SEPTIN7: variants seen among roughly 807,000 people sequenced by gnomAD.
SEPTIN7 encodes septin 7.
SEPTIN7 carries 10 observed loss-of-function variants against 63.3 expected under a neutral mutation model. The ratio of observed to expected loss-of-function variants is 0.16; its 90% CI spans 0.10 to 0.27. SEPTIN7 has a LOEUF of 0.27. Among genes scored for constraint, SEPTIN7 ranks in the 10% least tolerant of loss-of-function variants. SEPTIN7 has a pLI of 1.00. For missense variants in SEPTIN7, 310 were observed against 521.0 expected (o/e 0.59, Z 3.94); for synonymous variants, 131 against 165.3 (o/e 0.79, Z 1.59).
intron 13 of SEPTIN7, 89 bp downstream of exon 13, chr7:35,903,304 T>C: frequency 7.0e-7 from 1 of 1,430,454 alleles, no homozygotes; most frequent in South Asian, 1.6e-5. Context: ...AGAATAACAC[T>C]TAAAAAGTCA....
intron 4 of SEPTIN7, among the ~76,000 whole-genome samples, chr7:35,864,761 A>G (rs562755859): frequency 2.0e-5 from 3 of 152,092 alleles, no homozygotes; most frequent in Non-Finnish European, 4.4e-5. Flanking sequence ...AGCTCTGCTT[A>G]TGTGATATAT....
intron 6 of SEPTIN7, among the ~76,000 whole-genome samples, chr7:35,875,981 A>G (rs1273212560): frequency 6.6e-6 from 1 of 152,212 alleles, no homozygotes; most frequent in Admixed American, 6.5e-5. Context: ...AAATGGACAG[A>G]GGAAAAAATT....
intron 7 of SEPTIN7, 61 bp downstream of exon 7, chr7:35,880,001 A>G (rs141353965): frequency 2.3e-6 from 2 of 886,840 alleles, no homozygotes; most frequent in African/African-American, 1.7e-5. Flanking sequence ...AGTTTTTACT[A>G]TTTTTAGTAT....
intron 3 of SEPTIN7, among the ~76,000 whole-genome samples, chr7:35,845,444 C>G (rs1461557540): frequency 6.6e-6 from 1 of 152,086 alleles, no homozygotes; most frequent in Non-Finnish European, 1.5e-5. Context: ...TGGTTGAACT[C>G]TTTTGATTAT....
chr7:35,824,585 C>G (rs1381800246), intron 1 of SEPTIN7, among the ~76,000 whole-genome samples: 1 of 152,158 alleles, frequency 6.6e-6, no homozygotes, highest in African/African-American at 2.4e-5. Context: ...CAGATGATTT[C>G]TACTTTTAAC....
At chr7:35,884,815 A>G (rs1787128156) in intron 9 of SEPTIN7, among the ~76,000 whole-genome samples, 1 of 152,138 alleles carries the variant, frequency 6.6e-6, no homozygotes, top group Admixed American at 6.5e-5. Context: ...TTAACCTGCT[A>G]TCTTAAATTA....
chr7:35,831,489 A>C lies in SEPTIN7; in HGVS notation c.62-3A>C. ...GAATGATGGAAATGTGTTCTTTACA[A>C]AGTAGCTGTGAGTATACTACATAAT... is the stretch of plus-strand genomic sequence containing the variant. On this transcript the variant is annotated splice_polypyrimidine_tract_variant and splice_region_variant and intron_variant, in intron 1 of 13. Transcript: ENST00000350320. 2.1e-6 allele frequency: 1 copy of C among 479,424 alleles called. No individual in the cohort carries two copies. The highest frequency in any genetic ancestry group is 4.2e-6 in the Non-Finnish European group (1 of 240,832). The allele number at this position is 479,424 out of a possible 1,614,324, so 29.7% of individuals were successfully genotyped here. A position where few individuals can be genotyped will look rare whatever the true frequency, so the allele number is the denominator to read the frequency against.
At chr7:35,874,961 A>G (rs1786385783) in intron 6 of SEPTIN7, among the ~76,000 whole-genome samples, 1 of 152,152 alleles carries the variant, frequency 6.6e-6, no homozygotes, top group South Asian at 2.1e-4. Context: ...ATTCTCGTTT[A>G]ACTTGTCAGG....
chr7:35,830,110 C>T (rs1583522226), intron 1 of SEPTIN7, among the ~76,000 whole-genome samples: 2 of 151,030 alleles, frequency 1.3e-5, no homozygotes, highest in Admixed American at 6.6e-5. Context: ...GCTTGAACCT[C>T]GGAAAGAGGT....
At chr7:35,807,139 G>A (rs548601543) in intron 1 of SEPTIN7, among the ~76,000 whole-genome samples, 99 of 151,902 alleles carry the variant, frequency 6.5e-4, no homozygotes, top group Non-Finnish European at 1.2e-3. Context: ...TGTGGTCATG[G>A]ATGTTATGAT....
intron 3 of SEPTIN7, among the ~76,000 whole-genome samples, chr7:35,842,677 CATT>C (rs1382052993): frequency 6.6e-6 from 1 of 152,098 alleles, no homozygotes; most frequent in Non-Finnish European, 1.5e-5. Context: ...AAGTGTACGT[CATT>C]ATTTACTGCA....
chr7:35,818,426 T>TA (rs1463534706), intron 1 of SEPTIN7, among the ~76,000 whole-genome samples: 1 of 152,084 alleles, frequency 6.6e-6, no homozygotes, highest in Non-Finnish European at 1.5e-5. Context: ...TGGTTGTTTT[T>TA]ACTCGATGTG....
At chr7:35,915,647 T>C in the SEPTIN7 span, among the ~76,000 whole-genome samples, 1 of 152,178 alleles carries the variant, frequency 6.6e-6, no homozygotes, top group African/African-American at 2.4e-5. Context: ...TCCTTCCAGG[T>C]CCTGGCTTCC....
Position 35,905,369 on chromosome 7 carries a change from A to C in SEPTIN7, c.*1076A>C, listed in dbSNP as rs1209585179. 1 of 152,440 alleles carries C rather than the reference A, an allele frequency of 6.6e-6. No individual in the cohort carries two copies. The highest frequency in any genetic ancestry group is 2.4e-5 in the African/African-American group (1 of 41,466). The allele number at this position is 152,440 out of a possible 1,614,324, so 9.4% of individuals were successfully genotyped here. A position where few individuals can be genotyped will look rare whatever the true frequency, so the allele number is the denominator to read the frequency against. On this transcript the variant is annotated 3_prime_UTR_variant, in exon 14 of 14. Coordinates refer to ENST00000350320, the MANE Select transcript of SEPTIN7 (RefSeq NM_001788.6). ...ACAAGAGTAGAGTATGTTTGGGAAG[A>C]AACTTTTCAGCTTAAGTTTGCCTCC...
intron 1 of SEPTIN7, chr7:35,811,939 T>C (rs2115711115): frequency 1.2e-5 from 2 of 162,130 alleles, no homozygotes; most frequent in South Asian, 2.4e-4. Context: ...GGAGAATCGC[T>C]TGAACGTTTC....
intron 6 of SEPTIN7, among the ~76,000 whole-genome samples, chr7:35,876,649 G>A (rs1356067599): frequency 6.6e-6 from 1 of 152,140 alleles, no homozygotes; most frequent in African/African-American, 2.4e-5. Flanking sequence ...GCAACATAGT[G>A]AGATCCCATC....
chr7:35,884,284 C>T (rs1000151082), intron 9 of SEPTIN7, among the ~76,000 whole-genome samples: 4 of 152,100 alleles, frequency 2.6e-5, no homozygotes, highest in African/African-American at 4.8e-5. Flanking sequence ...ACGTTTTGAG[C>T]ACTGACATGC....
chr7:35,821,802 G>A (rs1406748237), intron 1 of SEPTIN7, among the ~76,000 whole-genome samples: 6 of 152,072 alleles, frequency 3.9e-5, no homozygotes, highest in Admixed American at 3.9e-4. Context: ...ATTTTGAAAT[G>A]GAGTCTCACT....
At chr7:35,881,702 G>A (rs560896965) in intron 7 of SEPTIN7, among the ~76,000 whole-genome samples, 1 of 151,832 alleles carries the variant, frequency 6.6e-6, no homozygotes, top group Admixed American at 6.6e-5. Flanking sequence ...GGGAAGCTAG[G>A]TTTAGGTATA....
Sources: allele counts gnomAD v4.1 joint callset (sites outside exome capture counted in the v4.1 genomes callset), GRCh38; gene constraint gnomAD v4.1.1; transcripts MANE v1.5; gene names NCBI Gene and HGNC (gene_info 2026-07-23, HGNC 2026-07-21).